The following NEB variants were observed in gnomAD, a reference collection of about 807,000 sequenced individuals.
The protein encoded by NEB is nebulin, also known as nemaline myopathy type 2.
In NEB, 512 loss-of-function variants were observed where a neutral mutation model predicts 952.2. The observed-to-expected ratio is 0.54, with a 90% CI of 0.50 to 0.58. NEB has a LOEUF of 0.58. Ranked by LOEUF, NEB falls within the 20% of genes least tolerant of loss-of-function variation. The pLI, the probability that NEB is intolerant of heterozygous loss-of-function variation, is 0.00. For missense variants in NEB, 8,428 were observed against 9,231.1 expected (o/e 0.91, Z 3.56); for synonymous variants, 2,900 against 3,149.8 (o/e 0.92, Z 2.66).
At chr2:151,487,778 T>C (rs890688585) in intron 181 of NEB, among the ~76,000 whole-genome samples, 1 of 152,106 alleles carries the variant, frequency 6.6e-6, no homozygotes, top group African/African-American at 2.4e-5. Context: ...TATATATATA[T>C]GTATAAAATA....
rs1419649003 is a variant in NEB at position 151,678,320 on chromosome 2, C to T, written c.3256-133G>A. The T allele has an allele frequency of 1.0e-5, 6 of 597,748 alleles. No individual in the cohort carries two copies. In the Admixed American group the frequency reaches 1.2e-4, roughly 12 times the overall value. 37.0% of individuals were successfully genotyped at this position (597,748 alleles called of 1,614,324 possible). ...CAATAACCAAACAATTAACAATTCA[C>T]TTGCATATGCTCTGAAATGTAGCCT... On this transcript the variant is annotated intron_variant, in intron 32 of 181. Transcript: ENST00000397345.
chr2:151,619,362 C>T, intron 73 of NEB, 89 bp downstream of exon 73: 1 of 1,299,584 alleles, frequency 7.7e-7, no homozygotes, highest in East Asian at 2.3e-5. Context: ...AATATACAAA[C>T]AAATTGCAGT....
Position 151,717,514 on chromosome 2 carries a change from A to C in NEB, c.724T>G (p.Tyr242Asp). The C allele has an allele frequency of 1.2e-6, 2 of 1,610,650 alleles. No homozygotes were observed. The highest frequency in any genetic ancestry group is 1.7e-6 in the Non-Finnish European group (2 of 1,176,966). The change falls in exon 10 of 182, where the codon TAC (tyrosine) becomes GAC (aspartate). Residue 242 changes from tyrosine (Y) to aspartate (D), a missense_variant. Physicochemically the swap from Tyr to Asp is radical, Grantham distance 160. Around this residue, in one of 11 missense-constraint regions of NEB, gnomAD observed 2,851 missense variants for 2,791.5 expected, o/e 1.02. Coordinates refer to ENST00000397345, the MANE Select transcript of NEB (RefSeq NM_001164508.2). ...TGCTGTTCAGCGAGACCTTTTTTGT[A>C]GGCAACCTGATGAAATAAAAGACAG... Reference protein sequence around the residue: ...QAQKALSDVAYKKGLAEQQAQ... With the variant: ...QAQKALSDVADKKGLAEQQAQ...
At chr2:151,495,884 T>C (rs1202482051) in intron 173 of NEB, among the ~76,000 whole-genome samples, 7 of 152,260 alleles carry the variant, frequency 4.6e-5, no homozygotes, top group East Asian at 3.9e-4. Context: ...CCTGAAGTCA[T>C]TGACACAAAA....
chr2:151,512,869 G>A, intron 160 of NEB, 32 bp from the exon 161 acceptor site: 1 of 1,443,816 alleles, frequency 6.9e-7, no homozygotes, highest in Non-Finnish European at 9.7e-7. Flanking sequence ...TTGGGTAAAT[G>A]TTTGCAATGT....
intron 153 of NEB, among the ~76,000 whole-genome samples, chr2:151,521,546 A>G (rs1416701397): frequency 6.6e-6 from 1 of 152,200 alleles, no homozygotes; most frequent in Non-Finnish European, 1.5e-5. Flanking sequence ...AGAAAAGCAA[A>G]CCAGATATGC....
chr2:151,544,718 C>T lies in NEB; in HGVS notation c.20577+1170G>A, dbSNP rs1041446374. On this transcript the variant is annotated intron_variant, in intron 135 of 181. Transcript: ENST00000397345. Reference sequence around the variant, plus strand: ...TCACTGAGTGTAGGAAGCTGCATATCCCTCCACTGAGGGTGACATTTGGTA... The same window carrying T: ...TCACTGAGTGTAGGAAGCTGCATATTCCTCCACTGAGGGTGACATTTGGTA... 9.2e-5 allele frequency among the ~76,000 whole-genome samples: 14 copies of T among 152,320 alleles called. No homozygotes were observed. In the East Asian group the frequency reaches 9.6e-4, roughly 10 times the overall value.
Position 151,505,576 on chromosome 2 carries a change from G to C in NEB, c.23650-6C>G. 1 of 1,607,824 alleles carries C rather than the reference G, an allele frequency of 6.2e-7. No individual in the cohort carries two copies. The highest frequency in any genetic ancestry group is 8.5e-7 in the Non-Finnish European group (1 of 1,174,356). On this transcript the variant is annotated splice_polypyrimidine_tract_variant and splice_region_variant and intron_variant, in intron 164 of 181. Coordinates refer to ENST00000397345, the MANE Select transcript of NEB (RefSeq NM_001164508.2). Reference sequence around the variant, plus strand: ...ATTGCTTCCTTATACTTCACCTGCAGATTTAAAAATGGGAAAAGAAAGGTA... The same window carrying C: ...ATTGCTTCCTTATACTTCACCTGCACATTTAAAAATGGGAAAAGAAAGGTA...
rs949331605 is a variant in NEB at position 151,524,416 on chromosome 2, C to G, written c.22375-1G>C. ...TGCGGTGCTTGGCTCTGTACTCCAC[C>G]TGAATCAGAGAAAACCAAAATGGGC... On this transcript the variant is annotated splice_acceptor_variant, in intron 152 of 181. Transcript: ENST00000397345. LOFTEE classifies it high-confidence loss of function. The G allele has an allele frequency of 4.3e-6, 7 of 1,613,988 alleles. No homozygotes were observed. Among genetic ancestry groups the G allele is most frequent in the Non-Finnish European group, 5.9e-6 (7 of 1,179,858 alleles).
rs924624872 is a variant in NEB at position 151,620,848 on chromosome 2, A to G, written c.10560+71T>C. On this transcript the variant is annotated intron_variant, in intron 72 of 181. Transcript: ENST00000397345. ...AGGGAGTTAAGGTGGATGATGACCAAAGAGACATCCAGCTGTATTCTGTGT... is the reference window on the plus strand; with the variant it reads ...AGGGAGTTAAGGTGGATGATGACCAGAGAGACATCCAGCTGTATTCTGTGT... 6.0e-5 allele frequency: 72 copies of G among 1,206,730 alleles called. No individual in the cohort carries two copies. The Middle Eastern group carries it at 8.0e-4, about 13-fold the overall frequency. The allele number at this position is 1,206,730 out of a possible 1,614,324, so 74.8% of individuals were successfully genotyped here.
chr2:151,687,299 C>G, intron 27 of NEB, 120 bp downstream of exon 27: 1 of 837,014 alleles, frequency 1.2e-6, no homozygotes, highest in East Asian at 2.4e-5. Flanking sequence ...TACAGCAGTA[C>G]TTTTGTGAAT....
intron 170 of NEB, 153 bp from the exon 171 acceptor site, chr2:151,497,871 G>C: frequency 2.0e-6 from 3 of 1,504,970 alleles, no homozygotes; most frequent in Non-Finnish European, 1.8e-6. Context: ...AGCTGTTGTT[G>C]GGATAGGGAA....
intron 46 of NEB, among the ~76,000 whole-genome samples, chr2:151,660,218 C>G (rs542627829): frequency 6.6e-6 from 1 of 152,320 alleles, no homozygotes; most frequent in South Asian, 2.1e-4. Context: ...AAGACTTTGT[C>G]ATGCCAGCAT....
rs775164626 is a variant in NEB at position 151,678,157 on chromosome 2, T to G, written c.3286A>C (p.Lys1096Gln). 1 of 1,610,912 alleles carries G rather than the reference T, an allele frequency of 6.2e-7. No individual in the cohort carries two copies. Among genetic ancestry groups the G allele is most frequent in the South Asian group, 1.1e-5 (1 of 90,496 alleles). ...CTTTGGAAGCCAACCATTTTCCCTT[T>G]AGCCTTTTCATAGTCTTTTTTGTAC... ...VQYKKDYEKA[K>Q]GKMVGFQSLQ... The change falls in exon 33 of 182, where the codon AAA becomes CAA. Residue 1096 changes from lysine (K) to glutamine (Q), a missense_variant. Coordinates refer to ENST00000397345, the MANE Select transcript of NEB (RefSeq NM_001164508.2).
chr2:151,506,476 G>A (rs1040421710), intron 163 of NEB: 50 of 512,706 alleles, frequency 9.8e-5, no homozygotes, highest in African/African-American at 9.4e-4. Flanking sequence ...TTTCTTCTAA[G>A]ATTGTGGTAT....
At chr2:151,709,350 TAC>T (rs147095816) in intron 12 of NEB, among the ~76,000 whole-genome samples, 239 of 152,324 alleles carry the variant, frequency 1.6e-3, no homozygotes, top group Non-Finnish European at 2.2e-3. Context: ...TTGATAAATG[TAC>T]AGTTTGGTTC....
At chr2:151,563,581 C>T (rs370178501) in intron 119 of NEB, 25 bp downstream of exon 119, 111 of 1,580,414 alleles carry the variant, frequency 7.0e-5, no homozygotes, top group Non-Finnish European at 9.1e-5. Context: ...GCACAAATCC[C>T]GTGTTAAAGT....
intron 120 of NEB, 78 bp downstream of exon 120, chr2:151,562,533 G>T: frequency 7.4e-7 from 1 of 1,349,574 alleles, no homozygotes; most frequent in Non-Finnish European, 1.0e-6. Flanking sequence ...ACGGGAGCAT[G>T]GCAGCCAGGG....
At chr2:151,663,509 A>C in intron 45 of NEB, 39 bp downstream of exon 45, 1 of 1,552,704 alleles carries the variant, frequency 6.4e-7, no homozygotes, top group South Asian at 1.2e-5. Context: ...GTTGCTTATT[A>C]TCCAGAGTAA....
Sources: allele counts gnomAD v4.1 joint callset (sites outside exome capture counted in the v4.1 genomes callset), GRCh38; gene constraint gnomAD v4.1.1; regional missense constraint gnomAD v4.1.1; transcripts MANE v1.5; gene names NCBI Gene and HGNC (gene_info 2026-07-23, HGNC 2026-07-21).